PLD1: variants seen among roughly 807,000 people sequenced by gnomAD.
PLD1 encodes choline phosphatase 1.
In PLD1, 112 loss-of-function variants were observed where a neutral mutation model predicts 137.1. The ratio of observed to expected loss-of-function variants is 0.82; its 90% CI spans 0.70 to 0.96. The LOEUF is 0.96. PLD1 is among the 40% of genes least tolerant of loss of function. The pLI, the probability that PLD1 is intolerant of heterozygous loss-of-function variation, is 0.00. For missense variants in PLD1, 1,321 were observed against 1,342.0 expected (o/e 0.98, Z 0.24); for synonymous variants, 431 against 454.7 (o/e 0.95, Z 0.66).
intron 23 of PLD1, among the ~76,000 whole-genome samples, chr3:171,631,439 AAG>A (rs3050412): frequency 0.17 from 26,503 of 152,130 alleles, 2,406 homozygotes; most frequent in South Asian, 0.23. Flanking sequence ...CATGACAAGA[AAG>A]AGAGAGAATA....
At chr3:171,790,289 GTCCCACAATTGAGGAAGCCAAT>G (rs1015061678) in intron 1 of PLD1, among the ~76,000 whole-genome samples, 81 of 152,278 alleles carry the variant, frequency 5.3e-4, no homozygotes, top group African/African-American at 1.7e-3. Flanking sequence ...TGTTTAGCCA[GTCCCACAATTGAGGAAGCCAAT>G]TCCTTGTAAT....
chr3:171,688,784 C>T lies in PLD1; in HGVS notation c.1431G>A (p.Val477=). 1 of 1,614,118 alleles carries T rather than the reference C, an allele frequency of 6.2e-7. No homozygotes were observed. Among genetic ancestry groups the T allele is most frequent in the Non-Finnish European group, 8.5e-7 (1 of 1,179,986 alleles). ...TTCCATAGGCCAGGTCAATCCCTCC[C>T]ACAAAGGCCACCGATTGGTCAATGA... is the stretch of plus-strand genomic sequence containing the variant. ...LVIIDQSVAF[V]GGIDLAYGRW... The change falls in exon 14 of 27, where the codon GTG becomes GTA. Residue 477 remains valine, a synonymous_variant. Transcript: ENST00000351298.
chr3:171,654,824 G>A (rs906382169), intron 21 of PLD1, among the ~76,000 whole-genome samples: 12 of 151,772 alleles, frequency 7.9e-5, no homozygotes, highest in Non-Finnish European at 1.2e-4. Context: ...TGATTCCCCC[G>A]GCTGTTCTGA....
Position 171,645,041 on chromosome 3 carries a change from A to G in PLD1, c.2430-18T>C, listed in dbSNP as rs758346281. 1 of 1,500,112 alleles carries G rather than the reference A, an allele frequency of 6.7e-7. No homozygotes were observed. Among genetic ancestry groups the G allele is most frequent in the South Asian group, 1.1e-5 (1 of 88,814 alleles). 92.9% of individuals were successfully genotyped at this position (1,500,112 alleles called of 1,614,324 possible). On this transcript the variant is annotated intron_variant, in intron 21 of 26. Coordinates refer to ENST00000351298, the MANE Select transcript of PLD1 (RefSeq NM_002662.5). Reference sequence around the variant, plus strand: ...GGTTTTCCCTGCAAAGGTCAGATGCAGAGAAATTCACCCAAAAAATAAAAG... The same window carrying G: ...GGTTTTCCCTGCAAAGGTCAGATGCGGAGAAATTCACCCAAAAAATAAAAG...
intron 21 of PLD1, among the ~76,000 whole-genome samples, chr3:171,655,403 C>G (rs1294547749): frequency 6.6e-6 from 1 of 152,072 alleles, no homozygotes; most frequent in East Asian, 1.9e-4. Flanking sequence ...ATTCTATCTC[C>G]TAAGCTGGAG....
chr3:171,797,690 A>G (rs1465073848), intron 1 of PLD1, among the ~76,000 whole-genome samples: 6 of 152,260 alleles, frequency 3.9e-5, no homozygotes, highest in African/African-American at 1.4e-4. Flanking sequence ...ATTTTTAAGT[A>G]AGCAGCTTTT....
At chr3:171,660,567 C>T (rs6804852) in intron 20 of PLD1, among the ~76,000 whole-genome samples, 130,478 of 152,170 alleles carry the variant, frequency 0.86, 56,465 homozygotes, top group African/African-American at 0.94. Context: ...TTTAATACTA[C>T]TGTCACATTA....
chr3:171,776,877 A>G (rs1333081551), intron 1 of PLD1, among the ~76,000 whole-genome samples: 4 of 152,214 alleles, frequency 2.6e-5, no homozygotes, highest in Admixed American at 2.6e-4. Flanking sequence ...ACCCTTTTAA[A>G]TTACTGTAAT....
At chr3:171,686,498 G>A (rs895190700) in intron 16 of PLD1, among the ~76,000 whole-genome samples, 187 bp downstream of exon 16, 2 of 152,210 alleles carry the variant, frequency 1.3e-5, no homozygotes, top group African/African-American at 2.4e-5. Flanking sequence ...GCTGCTATAA[G>A]TTCTTAGGGA....
chr3:171,742,653 A>G (rs1046456277), intron 1 of PLD1, among the ~76,000 whole-genome samples: 6 of 152,166 alleles, frequency 3.9e-5, no homozygotes, highest in African/African-American at 1.4e-4. Flanking sequence ...CCATTTTTTC[A>G]TGATGATGAA....
At chr3:171,639,848 C>CTCTCTCTATATATATATATATATA (rs3050415) in intron 23 of PLD1, among the ~76,000 whole-genome samples, 9 of 110,184 alleles carry the variant, frequency 8.2e-5, no homozygotes, top group African/African-American at 3.5e-4. Context: ...CTCTCTCTCT[C>CTCTCTCTATATATATATATATATA]TATATATATA....
chr3:171,760,305 T>C (rs1721309536), intron 1 of PLD1, among the ~76,000 whole-genome samples: 1 of 152,204 alleles, frequency 6.6e-6, no homozygotes, highest in Admixed American at 6.5e-5. Flanking sequence ...TCACACTTTC[T>C]GCTATCACTT....
At chr3:171,687,350 C>T in intron 15 of PLD1, 21 bp downstream of exon 15, 1 of 1,595,962 alleles carries the variant, frequency 6.3e-7, no homozygotes, top group Non-Finnish European at 8.6e-7. Flanking sequence ...AAGATAAATT[C>T]TAGTCAAGGC....
intron 1 of PLD1, among the ~76,000 whole-genome samples, chr3:171,796,620 A>G (rs1723448857): frequency 6.6e-6 from 1 of 152,228 alleles, no homozygotes; most frequent in Admixed American, 6.5e-5. Context: ...AAGAGTATCT[A>G]GTCCACTCCT....
intron 24 of PLD1, among the ~76,000 whole-genome samples, chr3:171,616,973 G>A (rs1252752772): frequency 6.6e-6 from 1 of 152,100 alleles, no homozygotes; most frequent in African/African-American, 2.4e-5. Context: ...CTGCCTACTT[G>A]TATTTCCTTT....
chr3:171,706,367 C>A (rs577506347), intron 11 of PLD1, among the ~76,000 whole-genome samples: 1 of 152,016 alleles, frequency 6.6e-6, no homozygotes, highest in Admixed American at 6.5e-5. Flanking sequence ...AATATTAAAA[C>A]CAACTTAAAG....
chr3:171,641,622 C>T (rs935723480), intron 23 of PLD1, among the ~76,000 whole-genome samples: 1 of 152,058 alleles, frequency 6.6e-6, no homozygotes, highest in South Asian at 2.1e-4. Flanking sequence ...TTTTCCAGAC[C>T]TCCTGCAGCA....
intron 1 of PLD1, among the ~76,000 whole-genome samples, chr3:171,747,085 G>T (rs942073899): frequency 5.3e-5 from 8 of 152,148 alleles, no homozygotes; most frequent in Admixed American, 1.3e-4. Flanking sequence ...CAAGGAGCAG[G>T]TCTGCAGCTT....
chr3:171,730,623 C>T (rs1051134135), intron 6 of PLD1, among the ~76,000 whole-genome samples: 47 of 149,146 alleles, frequency 3.2e-4, no homozygotes, highest in African/African-American at 1.1e-3. Context: ...TATACAAACA[C>T]CTTTATAATA....
Sources: allele counts gnomAD v4.1 joint callset (sites outside exome capture counted in the v4.1 genomes callset), GRCh38; gene constraint gnomAD v4.1.1; transcripts MANE v1.5; gene names NCBI Gene and HGNC (gene_info 2026-07-23, HGNC 2026-07-21).